The following CDC25C variants were observed in gnomAD, a reference collection of about 807,000 sequenced individuals.
The protein encoded by CDC25C is cell division cycle 25C.
Under a neutral mutation model 52.5 loss-of-function variants are expected in CDC25C, and 48 were observed. The observed-to-expected ratio is 0.91, with a 90% CI of 0.72 to 1.16. The LOEUF (loss-of-function observed/expected upper bound fraction) is 1.16. Among genes scored for constraint, CDC25C ranks in the 50% most tolerant of loss-of-function variants. The pLI is 0.00. For missense variants in CDC25C, 510 were observed against 566.1 expected (o/e 0.90, Z 1.01); for synonymous variants, 187 against 206.5 (o/e 0.91, Z 0.81).
At chr5:138,332,480 G>T (rs1026146217), upstream of CDC25C, among the ~76,000 whole-genome samples, 19 of 152,138 alleles carry the variant, frequency 1.2e-4, no homozygotes, top group African/African-American at 4.6e-4. Context: ...GAAAGTGGAG[G>T]AATTAAATCA....
chr5:138,285,499 A>G lies in CDC25C; in HGVS notation c.*193T>C. The G allele has an allele frequency of 1.6e-6, 1 of 623,878 alleles. No individual in the cohort carries two copies. Among genetic ancestry groups the G allele is most frequent in the Non-Finnish European group, 2.8e-6 (1 of 352,114 alleles). 38.6% of individuals were successfully genotyped at this position (623,878 alleles called of 1,614,324 possible). On this transcript the variant is annotated 3_prime_UTR_variant, in exon 14 of 14. Coordinates refer to ENST00000323760, the MANE Select transcript of CDC25C (RefSeq NM_001790.5). ...AAGGCTGCCTTATAGAGCCAGCTCC[A>G]GGACTCTGCCACCAGCTTTCAGCTC...
intron 9 of CDC25C, among the ~76,000 whole-genome samples, 199 bp downstream of exon 9, chr5:138,290,440 G>A (rs2126654292): frequency 6.6e-6 from 1 of 152,284 alleles, no homozygotes; most frequent in South Asian, 2.1e-4. Flanking sequence ...ACTTTCCCCT[G>A]TTCTGGATCT....
At chr5:138,296,052 G>A (rs1033717904) in intron 7 of CDC25C, among the ~76,000 whole-genome samples, 3 of 151,948 alleles carry the variant, frequency 2.0e-5, no homozygotes, top group Admixed American at 1.3e-4. Flanking sequence ...AAGCCAGCCC[G>A]GCTTCTGTCT....
In CDC25C at chr5:138,285,727, G is replaced by T. The variant is rs374457125; in HGVS notation, c.1387C>A (p.Gln463Lys). ...ATGTCCTTCACCAGAAGGGCAATCTGCTCCCGCAGCTGCCGCTCCCCTTCC... is the reference window on the plus strand; with the variant it reads ...ATGTCCTTCACCAGAAGGGCAATCTTCTCCCGCAGCTGCCGCTCCCCTTCC... The part of the protein sequence containing the change: ...VQEGERQLRE[Q>K]IALLVKDMSP Residue 463 changes from glutamine (Q) to lysine (K), a missense_variant, in exon 14 of 14, where the codon CAG (glutamine) becomes AAG (lysine). By Grantham distance (53) the Gln-to-Lys change is moderately conservative (BLOSUM62 1). Coordinates refer to ENST00000323760, the MANE Select transcript of CDC25C (RefSeq NM_001790.5). 1.8e-5 allele frequency: 29 copies of T among 1,614,054 alleles called. No homozygotes were observed. The highest frequency in any genetic ancestry group is 2.2e-5 in the Non-Finnish European group (26 of 1,180,016).
chr5:138,322,308 A>ATTATTATT lies in CDC25C; in HGVS notation c.460-2942_460-2935dup, dbSNP rs1165165439. On this transcript the variant is annotated intron_variant, in intron 6 of 13. Transcript: ENST00000323760. The stretch of plus-strand genomic sequence containing the variant: ...GAGCCACAGCACCCGGCCTATAATT[A>ATTATTATT]TTATTATTTGAGACAGAGTCTCGCT... Among the ~76,000 whole-genome samples, 3 of 124,138 alleles carry ATTATTATT rather than the reference A, an allele frequency of 2.4e-5. No individual in the cohort carries two copies. The East Asian group carries it at 7.4e-4, about 31-fold the overall frequency. 81.4% of individuals were successfully genotyped at this position (124,138 alleles called of 152,430 possible).
chr5:138,326,621 G>A (rs571433950), intron 4 of CDC25C, among the ~76,000 whole-genome samples: 5 of 152,220 alleles, frequency 3.3e-5, no homozygotes, highest in Non-Finnish European at 5.9e-5. Flanking sequence ...GATTACAGAT[G>A]TGAGCCACCG....
At position 138,325,865 on chromosome 5, in the gene CDC25C, C is replaced by T; in HGVS notation, c.409G>A (p.Gly137Ser). The T allele has an allele frequency of 6.2e-7, 1 of 1,614,086 alleles. No individual in the cohort carries two copies. Among genetic ancestry groups the T allele is most frequent in the South Asian group, 1.1e-5 (1 of 91,076 alleles). The part of the protein sequence containing the change: ...LCSTPNGLDR[G>S]HRKRDAMCSS... ...CACATTGCATCTCTCTTTCTATGGC[C>T]ACGGTCCAAACCATTCGGAGTGCTA... Residue 137 changes from glycine (G) to serine (S), a missense_variant, in exon 6 of 14, where the codon GGC becomes AGC. Physicochemically the swap from Gly to Ser is moderately conservative, Grantham distance 56. Coordinates refer to ENST00000323760, the MANE Select transcript of CDC25C (RefSeq NM_001790.5).
intron 7 of CDC25C, among the ~76,000 whole-genome samples, chr5:138,307,422 G>T (rs1443254020): frequency 2.0e-5 from 3 of 146,684 alleles, no homozygotes; most frequent in African/African-American, 7.5e-5. Context: ...AGCCCAGGAG[G>T]TTGTGACCTG....
chr5:138,293,949 T>A (rs1416167223), intron 7 of CDC25C, among the ~76,000 whole-genome samples: 1 of 152,054 alleles, frequency 6.6e-6, no homozygotes, highest in Non-Finnish European at 1.5e-5. Context: ...GCCCAGTCTG[T>A]ATCCATTTTT....
chr5:138,318,047 C>T lies in CDC25C; in HGVS notation c.615+1172G>A, dbSNP rs545332093. On this transcript the variant is annotated intron_variant, in intron 7 of 13. Coordinates refer to ENST00000323760, the MANE Select transcript of CDC25C (RefSeq NM_001790.5). The stretch of plus-strand genomic sequence containing the variant: ...AACCCTACAGTCTAAAGATAGGTTA[C>T]GCCAGGCGTGGTGGCTCATGCCTGT... Among the ~76,000 whole-genome samples, 376 of 152,036 alleles carry T rather than the reference C, an allele frequency of 2.5e-3. 2 individuals are homozygous for T. Among genetic ancestry groups the T allele is most frequent in the African/African-American group, 7.9e-3 (328 of 41,478 alleles).
intron 7 of CDC25C, among the ~76,000 whole-genome samples, chr5:138,302,995 A>G (rs1429905240): frequency 3.3e-5 from 5 of 151,950 alleles, no homozygotes; most frequent in African/African-American, 1.2e-4. Flanking sequence ...TCTTGAGCCC[A>G]GGAGTTTGAG....
At chr5:138,312,302 C>T (rs1239468260) in intron 7 of CDC25C, among the ~76,000 whole-genome samples, 4 of 152,126 alleles carry the variant, frequency 2.6e-5, no homozygotes, top group Non-Finnish European at 5.9e-5. Context: ...CCAAAGAGTT[C>T]AAGGCTGCAG....
At chr5:138,312,865 AT>A (rs571714724) in intron 7 of CDC25C, among the ~76,000 whole-genome samples, 58 of 151,986 alleles carry the variant, frequency 3.8e-4, no homozygotes, top group East Asian at 1.9e-4. Flanking sequence ...CATAAAACTG[AT>A]TTTTTTTAAA....
exon 1 of CDC25C, chr5:138,338,311 G>C (rs1242472337): frequency 1.9e-6 from 1 of 528,826 alleles, no homozygotes; most frequent in Non-Finnish European, 3.4e-6. Context: ...AACCGCGGTA[G>C]GTGGTGGAGG....
intron 3 of CDC25C, chr5:138,328,746 G>T: frequency 2.0e-6 from 1 of 495,162 alleles, no homozygotes. Flanking sequence ...TCAAGTGTTG[G>T]GAAACACTAC....
At chr5:138,287,929 G>A (rs971987904) in intron 10 of CDC25C, among the ~76,000 whole-genome samples, 2 of 152,098 alleles carry the variant, frequency 1.3e-5, no homozygotes, top group Non-Finnish European at 2.9e-5. Context: ...TCAATAATAG[G>A]GGTTTGGTAA....
chr5:138,298,163 ATTT>A (rs34763291), intron 7 of CDC25C, among the ~76,000 whole-genome samples: 18 of 131,614 alleles, frequency 1.4e-4, no homozygotes, highest in East Asian at 2.3e-4. Flanking sequence ...CACACCTTGC[ATTT>A]TTTTTTTTTT....
intron 7 of CDC25C, among the ~76,000 whole-genome samples, chr5:138,296,906 C>CTTTTTT (rs1300029259): frequency 2.5e-5 from 2 of 80,164 alleles, no homozygotes; most frequent in Non-Finnish European, 4.7e-5. Flanking sequence ...CGCCCGGCCA[C>CTTTTTT]TTTTTTTTTT....
chr5:138,326,349 C>A (rs773733999), intron 4 of CDC25C, among the ~76,000 whole-genome samples: 1 of 151,842 alleles, frequency 6.6e-6, no homozygotes, highest in Non-Finnish European at 1.5e-5. Flanking sequence ...TGTATTGGGG[C>A]TAATTTTTTT....
Sources: gnomAD v4.1 joint callset for allele counts (sites outside exome capture counted in the v4.1 genomes callset) on GRCh38, gnomAD v4.1.1 for gene constraint, MANE v1.5 for transcripts, NCBI Gene and HGNC (gene_info 2026-07-23, HGNC 2026-07-21) for gene names.